The following XKR4 variants were observed in gnomAD, a reference collection of about 807,000 sequenced individuals.
The protein encoded by XKR4 is XK-related protein 4.
A neutral mutation model predicts 53.9 loss-of-function variants in XKR4; 12 were observed. The observed-to-expected ratio is 0.22, with a 90% confidence interval of 0.14 to 0.36. The LOEUF is 0.36. Among genes scored for constraint, XKR4 ranks in the 10% least tolerant of loss-of-function variants. XKR4 has a pLI of 1.00. For synonymous variants in XKR4, 354 were observed against 362.4 expected (o/e 0.98, Z 0.26); for missense variants, 799 against 859.5 (o/e 0.93, Z 0.88).
chr8:55,411,630 T>C (rs968393042), intron 2 of XKR4, among the ~76,000 whole-genome samples: 9 of 152,348 alleles, frequency 5.9e-5, no homozygotes, highest in African/African-American at 2.2e-4. Flanking sequence ...CCCAAGCCCA[T>C]TGACTCTGTG....
intron 1 of XKR4, among the ~76,000 whole-genome samples, chr8:55,338,071 A>G (rs909773741): frequency 6.6e-6 from 1 of 152,228 alleles, no homozygotes; most frequent in African/African-American, 2.4e-5. Flanking sequence ...TAATTGAACA[A>G]TAAGAAAAAA....
intron 2 of XKR4, among the ~76,000 whole-genome samples, chr8:55,374,370 G>A (rs371377426): frequency 6.6e-6 from 1 of 152,190 alleles, no homozygotes; most frequent in East Asian, 1.9e-4. Flanking sequence ...TAGGCCCAGA[G>A]GTCAGTGGAC....
intron 2 of XKR4, among the ~76,000 whole-genome samples, chr8:55,447,349 G>T (rs534825071): frequency 6.6e-6 from 1 of 152,292 alleles, no homozygotes; most frequent in South Asian, 2.1e-4. Context: ...GATCACAGAA[G>T]GTAGATGCAC....
At chr8:55,517,908 T>C (rs1428813064) in intron 2 of XKR4, 1 of 152,192 alleles carries the variant, frequency 6.6e-6, no homozygotes, top group Admixed American at 6.5e-5. Context: ...TAGTAAATTT[T>C]TAAGTTAGAA....
chr8:55,446,136 A>C (rs1399917628), intron 2 of XKR4, among the ~76,000 whole-genome samples: 1 of 150,742 alleles, frequency 6.6e-6, no homozygotes, highest in African/African-American at 2.4e-5. Flanking sequence ...CCACCCTGAA[A>C]CTATAGCGTT....
At chr8:55,173,555 G>T (rs1817191829) in intron 1 of XKR4, among the ~76,000 whole-genome samples, 1 of 151,902 alleles carries the variant, frequency 6.6e-6, no homozygotes, top group Admixed American at 6.6e-5. Context: ...ACCTTTTCTG[G>T]TCTCCTTATG....
intron 2 of XKR4, among the ~76,000 whole-genome samples, chr8:55,380,024 C>T (rs1385281656): frequency 6.6e-6 from 1 of 152,230 alleles, no homozygotes; most frequent in Non-Finnish European, 1.5e-5. Context: ...TTAATTCTGA[C>T]TCAAAAACAC....
chr8:55,419,822 A>G lies in XKR4; in HGVS notation c.1006+61945A>G, dbSNP rs552549930. 2.6e-5 allele frequency among the ~76,000 whole-genome samples: 4 copies of G among 152,294 alleles called. No individual in the cohort carries two copies. In the South Asian group the frequency reaches 8.3e-4, roughly 32 times the overall value. ...TTGCTTACTCGGGATACTTAAGAAA[A>G]TTGGATGGGTAGAGTGGAGAAAATT... On this transcript the variant is annotated intron_variant, in intron 2 of 2. Transcript: ENST00000327381.
intron 1 of XKR4, chr8:55,164,307 GT>G: frequency 2.2e-6 from 1 of 455,480 alleles, no homozygotes; most frequent in Non-Finnish European, 4.4e-6. Context: ...GCAGGATGCT[GT>G]CAGCTATTGC....
chr8:55,465,764 T>C (rs1805757105), intron 2 of XKR4, among the ~76,000 whole-genome samples: 1 of 151,990 alleles, frequency 6.6e-6, no homozygotes, highest in Non-Finnish European at 1.5e-5. Context: ...ATCCAGAATC[T>C]ACAATGAACT....
chr8:55,403,663 C>A (rs1365611537), intron 2 of XKR4, among the ~76,000 whole-genome samples: 2 of 152,200 alleles, frequency 1.3e-5, no homozygotes, highest in Non-Finnish European at 2.9e-5. Context: ...AAGCAAGATG[C>A]CTGTCGATAC....
At position 55,524,745 on chromosome 8, in the gene XKR4, G is replaced by A. The variant is rs1806858147; in HGVS notation, c.*518G>A. On this transcript the variant is annotated 3_prime_UTR_variant, in exon 3 of 3. Transcript: ENST00000327381. ...GAAACATCCCTCGAGAAAAAAAATA[G>A]TATTGCTTAGAAAAGAAACCATTTT... 1.3e-5 allele frequency: 2 copies of A among 152,754 alleles called. No individual in the cohort carries two copies. The highest frequency in any genetic ancestry group is 4.8e-5 in the African/African-American group (2 of 41,426). 9.5% of individuals were successfully genotyped at this position (152,754 alleles called of 1,614,324 possible).
intron 1 of XKR4, among the ~76,000 whole-genome samples, chr8:55,355,810 C>T (rs1439352598): frequency 1.3e-5 from 2 of 152,194 alleles, no homozygotes; most frequent in African/African-American, 4.8e-5. Flanking sequence ...CGGTGAAAAG[C>T]TTGCCTGGAT....
intron 2 of XKR4, among the ~76,000 whole-genome samples, chr8:55,491,596 T>C (rs1806272617): frequency 6.6e-6 from 1 of 151,930 alleles, no homozygotes; most frequent in Non-Finnish European, 1.5e-5. Context: ...ATGCTCCAGG[T>C]GTTCAATGGG....
intron 1 of XKR4, among the ~76,000 whole-genome samples, chr8:55,146,260 C>T (rs1816772051): frequency 6.6e-6 from 1 of 152,182 alleles, no homozygotes; most frequent in African/African-American, 2.4e-5. Flanking sequence ...AAACCGCTGA[C>T]ATGAGCTTGG....
At chr8:55,491,052 A>G (rs940688665) in intron 2 of XKR4, among the ~76,000 whole-genome samples, 1 of 151,492 alleles carries the variant, frequency 6.6e-6, no homozygotes, top group African/African-American at 2.4e-5. Context: ...TTCAGTCTAG[A>G]TGGTTTCTAT....
intron 1 of XKR4, among the ~76,000 whole-genome samples, chr8:55,289,828 A>T (rs905770795): frequency 4.4e-4 from 63 of 144,056 alleles, no homozygotes; most frequent in African/African-American, 1.6e-3. Context: ...GAAAGGAAGG[A>T]AGGAAGGAAG....
intron 1 of XKR4, among the ~76,000 whole-genome samples, chr8:55,249,386 G>T (rs1027084690): frequency 6.6e-6 from 1 of 152,124 alleles, no homozygotes; most frequent in African/African-American, 2.4e-5. Flanking sequence ...ATCTACTCAA[G>T]TTACAAGGTC....
At chr8:55,232,423 G>A (rs1409666439) in intron 1 of XKR4, among the ~76,000 whole-genome samples, 2 of 152,176 alleles carry the variant, frequency 1.3e-5, no homozygotes, top group African/African-American at 2.4e-5. Flanking sequence ...GGCTTGGAAA[G>A]CGTGCAAAGA....
Sources: allele counts gnomAD v4.1 joint callset (sites outside exome capture counted in the v4.1 genomes callset), GRCh38; gene constraint gnomAD v4.1.1; transcripts MANE v1.5; gene names NCBI Gene and HGNC (gene_info 2026-07-23, HGNC 2026-07-21).